Variants in ARHGEF7 observed in about 807,000 individuals in gnomAD.
The protein encoded by ARHGEF7 is Rho guanine nucleotide exchange factor 7, also known as PAK-interacting exchange factor beta.
Under a neutral mutation model 109.8 loss-of-function variants are expected in ARHGEF7, and 33 were observed. The ratio of observed to expected loss-of-function variants is 0.30; its 90% CI spans 0.23 to 0.40. The LOEUF is 0.40. ARHGEF7 is among the 10% of genes least tolerant of loss of function. The pLI is 1.00. For missense variants in ARHGEF7, 938 were observed against 1,098.5 expected (o/e 0.85, Z 2.07); for synonymous variants, 458 against 424.6 (o/e 1.08, Z -0.97).
Position 111,303,214 on chromosome 13 carries a change from G to GC in ARHGEF7, c.*101_*102insC. 3.3e-6 allele frequency: 3 copies of GC among 901,460 alleles called. No individual in the cohort carries two copies. The highest frequency in any genetic ancestry group is 4.8e-6 in the Non-Finnish European group (3 of 623,658). The allele number at this position is 901,460 out of a possible 1,614,324, so 55.8% of individuals were successfully genotyped here. A position where few individuals can be genotyped will look rare whatever the true frequency, so the allele number is the denominator to read the frequency against. On this transcript the variant is annotated 3_prime_UTR_variant, in exon 22 of 22. Coordinates refer to ENST00000646102, the MANE Select transcript of ARHGEF7 (RefSeq NM_001354046.2). ...ACTCAGGACCACAGGGCAGGGCTGG[G>GC]TGGGGCGCCACCTTGCTCTCTGTAT...
chr13:111,133,306 C>T (rs1433415633), intron 1 of ARHGEF7, among the ~76,000 whole-genome samples: 1 of 152,010 alleles, frequency 6.6e-6, no homozygotes, highest in Non-Finnish European at 1.5e-5. Context: ...ACACATATGC[C>T]TATACACATG....
chr13:111,187,818 G>C (rs868627268), intron 2 of ARHGEF7, among the ~76,000 whole-genome samples: 6 of 152,176 alleles, frequency 3.9e-5, no homozygotes, highest in African/African-American at 9.7e-5. Flanking sequence ...ACTTTTGTCC[G>C]CTAGGCAGAG....
At chr13:111,135,180 C>G (rs1003082305) in intron 1 of ARHGEF7, among the ~76,000 whole-genome samples, 7 of 152,140 alleles carry the variant, frequency 4.6e-5, no homozygotes, top group African/African-American at 1.7e-4. Flanking sequence ...GGTACCAGTA[C>G]CATGCTGTTT....
At chr13:111,181,509 A>AAAC (rs889950047) in intron 2 of ARHGEF7, among the ~76,000 whole-genome samples, 6 of 151,964 alleles carry the variant, frequency 3.9e-5, no homozygotes, top group South Asian at 2.1e-4. Context: ...TGTTTTTTTT[A>AAAC]AACAACAACA....
At position 111,300,832 on chromosome 13, in the gene ARHGEF7, C is replaced by G. The variant is rs767667465; in HGVS notation, c.2396C>G (p.Thr799Arg). 5.0e-6 allele frequency: 8 copies of G among 1,600,962 alleles called. No homozygotes were observed. In the East Asian group the frequency reaches 1.8e-4, roughly 36 times the overall value. ...IVEETKSNGQ[T>R]VIEEKSLVDT... ...GAAGAAACTAAAAGTAATGGTCAGA[C>G]AGTGATAGAAGAAAAGTAAGATGTC... is the stretch of plus-strand genomic sequence containing the variant. Residue 799 changes from threonine to arginine, a missense_variant, in exon 20 of 22, where the codon ACA becomes AGA. Around this residue, in one of 4 missense-constraint regions of ARHGEF7, gnomAD observed 166 missense variants for 167.3 expected, o/e 0.99. Transcript: ENST00000646102.
chr13:111,133,224 C>T (rs923784301), intron 1 of ARHGEF7, among the ~76,000 whole-genome samples: 1 of 151,686 alleles, frequency 6.6e-6, no homozygotes, highest in African/African-American at 2.4e-5. Context: ...TATATGTGTG[C>T]ATTATATAAT....
At chr13:111,301,949 T>G (rs960302690) in intron 21 of ARHGEF7, among the ~76,000 whole-genome samples, 3 of 152,190 alleles carry the variant, frequency 2.0e-5, no homozygotes, top group African/African-American at 7.2e-5. Context: ...GGTCATGTCT[T>G]TGAGAAGTCC....
At chr13:111,275,906 G>A (rs763512295) in intron 12 of ARHGEF7, 2 of 530,830 alleles carry the variant, frequency 3.8e-6, no homozygotes, top group Non-Finnish European at 6.7e-6. Flanking sequence ...TGAAGTCAGT[G>A]TGGCCCGAAG....
chr13:111,166,463 A>G (rs1440052066), intron 2 of ARHGEF7, among the ~76,000 whole-genome samples: 1 of 152,232 alleles, frequency 6.6e-6, no homozygotes, highest in Non-Finnish European at 1.5e-5. Context: ...ACTCAAGGGC[A>G]AAAGCACGGA....
chr13:111,198,399 C>CT (rs2153456337), intron 2 of ARHGEF7, among the ~76,000 whole-genome samples: 1 of 152,254 alleles, frequency 6.6e-6, no homozygotes, highest in South Asian at 2.1e-4. Context: ...GCCGTGGACA[C>CT]TCGCGGTGAG....
At chr13:111,142,806 T>G (rs572567967) in intron 1 of ARHGEF7, among the ~76,000 whole-genome samples, 316 of 152,362 alleles carry the variant, frequency 2.1e-3, no homozygotes, top group African/African-American at 7.1e-3. Flanking sequence ...GCCTGCCTCT[T>G]TGCATGCCTT....
At chr13:111,287,420 G>A (rs1011608840) in intron 17 of ARHGEF7, among the ~76,000 whole-genome samples, 2 of 152,240 alleles carry the variant, frequency 1.3e-5, no homozygotes, top group Admixed American at 1.3e-4. Context: ...TGAGACCATC[G>A]TTCATGGACG....
chr13:111,130,218 A>AGC (rs2074669159), intron 1 of ARHGEF7, among the ~76,000 whole-genome samples: 2 of 152,240 alleles, frequency 1.3e-5, no homozygotes, highest in African/African-American at 4.8e-5. Flanking sequence ...ATTGTGGAGT[A>AGC]GCTCAAGGAG....
rs868086869 is a variant in ARHGEF7, at chr13:111,266,116, C to T, written c.951-1432C>T. ...TCACGTACCTGCTCTGGGAACTTCCCGAGGAGCAAGTGCATGCCAGGCAGT... is the reference window on the plus strand; with the variant it reads ...TCACGTACCTGCTCTGGGAACTTCCTGAGGAGCAAGTGCATGCCAGGCAGT... On this transcript the variant is annotated intron_variant, in intron 8 of 21. Transcript: ENST00000646102. The surrounding 1 kb of genome is among the most constrained non-coding windows in gnomAD (Gnocchi z 4.8). Among the ~76,000 whole-genome samples the T allele has an allele frequency of 3.1e-4, 47 of 152,230 alleles. No homozygotes were observed. Among genetic ancestry groups the T allele is most frequent in the Admixed American group, 1.1e-3 (17 of 15,302 alleles).
intron 8 of ARHGEF7, among the ~76,000 whole-genome samples, chr13:111,264,852 T>A (rs2091451973): frequency 6.6e-6 from 1 of 152,176 alleles, no homozygotes. Flanking sequence ...TCTGTATTAT[T>A]TACCGTAACT....
chr13:111,232,231 G>A (rs1449520848), intron 5 of ARHGEF7, among the ~76,000 whole-genome samples: 1 of 152,090 alleles, frequency 6.6e-6, no homozygotes, highest in Non-Finnish European at 1.5e-5. Flanking sequence ...AAACCATTGA[G>A]AGACAGAGGG....
chr13:111,167,277 C>T (rs1165376343), intron 2 of ARHGEF7, among the ~76,000 whole-genome samples: 1 of 152,090 alleles, frequency 6.6e-6, no homozygotes, highest in African/African-American at 2.4e-5. Flanking sequence ...ACTGAGGACT[C>T]GTCATCAAGT....
At chr13:111,190,484 C>A (rs985521553) in intron 2 of ARHGEF7, among the ~76,000 whole-genome samples, 1 of 152,090 alleles carries the variant, frequency 6.6e-6, no homozygotes, top group Non-Finnish European at 1.5e-5. Flanking sequence ...TCACTGCTGC[C>A]AAAGAGTCTA....
intron 9 of ARHGEF7, among the ~76,000 whole-genome samples, chr13:111,268,246 G>C (rs558975298): frequency 1.1e-3 from 163 of 152,304 alleles, no homozygotes; most frequent in Middle Eastern, 0.01. Context: ...TCATTAGTGA[G>C]TGTTAAGAAT....
Sources: allele counts gnomAD v4.1 joint callset (sites outside exome capture counted in the v4.1 genomes callset), GRCh38; gene constraint gnomAD v4.1.1; regional missense constraint gnomAD v4.1.1; non-coding constraint Gnocchi (gnomAD v3.1); transcripts MANE v1.5; gene names NCBI Gene and HGNC (gene_info 2026-07-23, HGNC 2026-07-21).